Variants in SRRM2 observed in about 807,000 individuals in gnomAD.
SRRM2 encodes serine/arginine repetitive matrix protein 2.
In SRRM2, 30 loss-of-function variants were observed where a neutral mutation model predicts 213.8. The observed-to-expected ratio is 0.14, with a 90% CI of 0.10 to 0.19. SRRM2 has a LOEUF of 0.19. SRRM2 is among the 10% of genes least tolerant of loss of function. The pLI, the probability that SRRM2 is intolerant of heterozygous loss-of-function variation, is 1.00. For missense variants in SRRM2, 4,904 were observed against 3,647.0 expected, an observed-to-expected ratio of 1.34 and a Z score of -8.88; for synonymous variants, 2,025 against 1,377.7, an observed-to-expected ratio of 1.47 and a Z score of -10.40.
Position 2,769,171 on chromosome 16 carries a change from TTCCTCCTCATCTTCCTCC to T in SRRM2, c.7914_7931del (p.Ser2643_Ser2648del). The T allele has an allele frequency of 1.2e-6, 2 of 1,610,444 alleles. No individual in the cohort carries two copies. The highest frequency in any genetic ancestry group is 8.5e-7 in the Non-Finnish European group (1 of 1,177,452). ...CCTCCTCCTCTTCCTCTTCTTCTTCTTCCTCCTCATCTTCCTCCTCCTCGTCGTCTTCCTCCCCTTCCC... is the reference window on the plus strand; with the variant it reads ...CCTCCTCCTCTTCCTCTTCTTCTTCTTCCTCGTCGTCTTCCTCCCCTTCCC... On this transcript the variant is annotated inframe_deletion, in exon 12 of 15. Coordinates refer to ENST00000301740, the MANE Select transcript of SRRM2 (RefSeq NM_016333.4).
In SRRM2 at chr16:2,764,357, A is replaced by G. The variant is rs2068465851; in HGVS notation, c.3829A>G (p.Arg1277Gly). The change falls in exon 11 of 15, where the codon AGG becomes GGG. Residue 1277 changes from arginine to glycine, a missense_variant. Arg to Gly is a moderately radical substitution (Grantham distance 125). Transcript: ENST00000301740. ...NFESSPEVEE[R>G]PAVSLTLDQS... is the part of the protein sequence containing the mutation. The stretch of plus-strand genomic sequence containing the variant: ...TGAATCATCTCCTGAAGTAGAAGAA[A>G]GGCCTGCTGTGTCTTTGACTCTTGA... 1.2e-6 allele frequency: 2 copies of G among 1,614,186 alleles called. No homozygotes were observed. The highest frequency in any genetic ancestry group is 2.2e-5 in the East Asian group (1 of 44,888).
chr16:2,758,496 G>T lies in SRRM2; in HGVS notation c.542G>T (p.Arg181Leu). 1 of 1,613,868 alleles carries T rather than the reference G, an allele frequency of 6.2e-7. No homozygotes were observed. The highest frequency in any genetic ancestry group is 8.5e-7 in the Non-Finnish European group (1 of 1,179,978). ...YSLVRESSSS[R>L]SPTPKQKKKK... ...CTTGTTCGGGAGTCTAGCAGTTCTC[G>T]CTCACCAACCCCAAAGCAGAAGAAG... Residue 181 changes from arginine to leucine, a missense_variant, in exon 5 of 15, where the codon CGC (arginine) becomes CTC (leucine). Arg to Leu is a moderately radical substitution (Grantham distance 102, BLOSUM62 -2). Transcript: ENST00000301740.
At position 2,765,431 on chromosome 16, in the gene SRRM2, C is replaced by G; in HGVS notation, c.4903C>G (p.Arg1635Gly). 1 of 1,614,148 alleles carries G rather than the reference C, an allele frequency of 6.2e-7. No individual in the cohort carries two copies. Among genetic ancestry groups the G allele is most frequent in the Non-Finnish European group, 8.5e-7 (1 of 1,180,032 alleles). ...KAPAPRALPRRSRSGSSSKGR... is the reference protein window; with the variant it reads ...KAPAPRALPRGSRSGSSSKGR... ...TCCAGCCCCTCGGGCCCTTCCCAGA[C>G]GAAGCAGATCAGGTTCATCAAGCAA... Residue 1635 changes from arginine to glycine, a missense_variant, in exon 11 of 15, where the codon CGA (arginine) becomes GGA (glycine). Arg to Gly is a moderately radical substitution (Grantham distance 125, BLOSUM62 -2). Transcript: ENST00000301740.
Position 2,763,413 on chromosome 16 carries a change from G to A in SRRM2, c.2885G>A (p.Arg962Lys). ...SVSPCSNVES[R>K]LLPRYSHSGS... is the part of the protein sequence containing the mutation. ...TCTCCCTGCTCCAATGTGGAATCCAGATTGTTGCCAAGATACAGTCATTCT... is the reference window on the plus strand; with the variant it reads ...TCTCCCTGCTCCAATGTGGAATCCAAATTGTTGCCAAGATACAGTCATTCT... The change falls in exon 11 of 15, where the codon AGA (arginine) becomes AAA (lysine). Residue 962 changes from arginine (R) to lysine (K), a missense_variant. Arg to Lys is a conservative substitution (Grantham distance 26). Coordinates refer to ENST00000301740, the MANE Select transcript of SRRM2 (RefSeq NM_016333.4). 6.2e-7 allele frequency: 1 copy of A among 1,614,206 alleles called. No individual in the cohort carries two copies. Among genetic ancestry groups the A allele is most frequent in the Non-Finnish European group, 8.5e-7 (1 of 1,180,042 alleles).
chr16:2,759,792 G>A, intron 9 of SRRM2, 131 bp downstream of exon 9: 10 of 741,712 alleles, frequency 1.3e-5, no homozygotes, highest in Non-Finnish European at 2.2e-5. Context: ...CCCTCTAGGA[G>A]CTGACAGGCT....
intron 9 of SRRM2, 121 bp downstream of exon 9, chr16:2,759,782 C>T: frequency 1.2e-6 from 1 of 831,904 alleles, no homozygotes; most frequent in Non-Finnish European, 1.9e-6. Context: ...ACGGTCCCTG[C>T]CCTCTAGGAG....
In SRRM2 at chr16:2,764,697, C is replaced by G. The variant is rs1567234973; in HGVS notation, c.4169C>G (p.Ala1390Gly). ...AGCAGTTCTGAGTTATCCCCAGATGCAGTGGAAAAGGCAGGGATGTCTTCA... is the reference window on the plus strand; with the variant it reads ...AGCAGTTCTGAGTTATCCCCAGATGGAGTGGAAAAGGCAGGGATGTCTTCA... ...GHSSSELSPDAVEKAGMSSNQ... is the reference protein window; with the variant it reads ...GHSSSELSPDGVEKAGMSSNQ... Residue 1390 changes from alanine (A) to glycine (G), a missense_variant, in exon 11 of 15, where the codon GCA becomes GGA. Coordinates refer to ENST00000301740, the MANE Select transcript of SRRM2 (RefSeq NM_016333.4). 7 of 1,614,006 alleles carry G rather than the reference C, an allele frequency of 4.3e-6. No homozygotes were observed. The highest frequency in any genetic ancestry group is 5.9e-6 in the Non-Finnish European group (7 of 1,180,054).
chr16:2,753,064 C>T (rs969537716), intron 1 of SRRM2, among the ~76,000 whole-genome samples: 4 of 144,628 alleles, frequency 2.8e-5, no homozygotes, highest in Non-Finnish European at 4.6e-5. Flanking sequence ...CCCATGACAA[C>T]GGCGTTCGCA....
At position 2,764,619 on chromosome 16, in the gene SRRM2, A is replaced by C. The variant is rs750535391; in HGVS notation, c.4091A>C (p.Glu1364Ala). Residue 1364 changes from glutamate (E) to alanine (A), a missense_variant, in exon 11 of 15, where the codon GAA becomes GCA. By Grantham distance (107) the Glu-to-Ala change is moderately radical. Coordinates refer to ENST00000301740, the MANE Select transcript of SRRM2 (RefSeq NM_016333.4). ...DLNGPFLNQL[E>A]TDPSLDMKEQ... Reference sequence around the variant, plus strand: ...AATGGACCGTTTCTTAATCAGCTGGAAACAGATCCATCTCTAGACATGAAA... The same window carrying C: ...AATGGACCGTTTCTTAATCAGCTGGCAACAGATCCATCTCTAGACATGAAA... The C allele has an allele frequency of 6.2e-7, 1 of 1,614,216 alleles. No individual in the cohort carries two copies. Among genetic ancestry groups the C allele is most frequent in the Non-Finnish European group, 8.5e-7 (1 of 1,180,038 alleles).
rs769283245 is a variant in SRRM2 at position 2,765,464 on chromosome 16, G to C, written c.4936G>C (p.Gly1646Arg). The C allele has an allele frequency of 1.2e-5, 20 of 1,614,042 alleles. No individual in the cohort carries two copies. Among genetic ancestry groups the C allele is most frequent in the Admixed American group, 6.7e-5 (4 of 59,992 alleles). Residue 1646 changes from glycine to arginine, a missense_variant, in exon 11 of 15, where the codon GGC becomes CGC. Transcript: ENST00000301740. ...ATCAGGTTCATCAAGCAAAGGCAGA[G>C]GCCCTTCTCCTGAAGGAAGCAGCAG... is the stretch of plus-strand genomic sequence containing the variant. ...SRSGSSSKGRGPSPEGSSSTE... is the reference protein window; with the variant it reads ...SRSGSSSKGRRPSPEGSSSTE...
In SRRM2 at chr16:2,766,961, C is replaced by A; in HGVS notation, c.6433C>A (p.Pro2145Thr). 1 of 1,614,146 alleles carries A rather than the reference C, an allele frequency of 6.2e-7. No individual in the cohort carries two copies. Among genetic ancestry groups the A allele is most frequent in the Non-Finnish European group, 8.5e-7 (1 of 1,180,032 alleles). The change falls in exon 11 of 15, where the codon CCC becomes ACC. Residue 2145 changes from proline to threonine, a missense_variant. By Grantham distance (38) the Pro-to-Thr change is conservative. Coordinates refer to ENST00000301740, the MANE Select transcript of SRRM2 (RefSeq NM_016333.4). The surrounding 1 kb of genome is among the most constrained non-coding windows in gnomAD (Gnocchi z 7.0). Reference protein sequence around the residue: ...MLEPLGSSRTPMSVLQQAGGS... With the variant: ...MLEPLGSSRTTMSVLQQAGGS... ...TGAACCCCTTGGCAGCTCTAGAACACCCATGTCTGTCCTGCAGCAAGCCGG... is the reference window on the plus strand; with the variant it reads ...TGAACCCCTTGGCAGCTCTAGAACAACCATGTCTGTCCTGCAGCAAGCCGG...
At chr16:2,759,220 G>T (rs113301435) in intron 7 of SRRM2, 48 bp downstream of exon 7, 1 of 1,606,790 alleles carries the variant, frequency 6.2e-7, no homozygotes, top group Non-Finnish European at 8.5e-7. Flanking sequence ...GTGGAGTGGT[G>T]ATTTTTTTTT....
chr16:2,761,929 A>T lies in SRRM2; in HGVS notation c.1401A>T (p.Ala467=). The part of the protein sequence containing the change: ...PTSKNRSHGR[A]KRDKSHSHTP... ...CTAAGAATCGCTCACATGGCCGAGC[A>T]AAACGGGATAAATCACATTCTCATA... Residue 467 remains alanine (A), a synonymous_variant, in exon 11 of 15, where the codon GCA becomes GCT. Coordinates refer to ENST00000301740, the MANE Select transcript of SRRM2 (RefSeq NM_016333.4). 6.2e-7 allele frequency: 1 copy of T among 1,613,944 alleles called. No individual in the cohort carries two copies. Among genetic ancestry groups the T allele is most frequent in the Non-Finnish European group, 8.5e-7 (1 of 1,179,996 alleles).
chr16:2,769,380 G>T, intron 12 of SRRM2, 96 bp downstream of exon 12: 2 of 1,390,686 alleles, frequency 1.4e-6, no homozygotes, highest in Non-Finnish European at 1.9e-6. Context: ...GGTGTCTCAC[G>T]TGGCCTTGGG....
rs200772805 is a variant in SRRM2, at chr16:2,766,080, G to T, written c.5552G>T (p.Arg1851Leu). Residue 1851 changes from arginine to leucine, a missense_variant, in exon 11 of 15, where the codon CGT (arginine) becomes CTT (leucine). Physicochemically the swap from Arg to Leu is moderately radical, Grantham distance 102 (BLOSUM62 -2). Transcript: ENST00000301740. The surrounding 1 kb of genome is among the most constrained non-coding windows in gnomAD (Gnocchi z 7.0). ...RSRTPPTSRK[R>L]SRSRTSPAPW... ...CGGACACCCCCAACCAGTCGGAAGC[G>T]TTCTCGCTCACGCACATCACCAGCC... 6.2e-7 allele frequency: 1 copy of T among 1,614,134 alleles called. No homozygotes were observed. The highest frequency in any genetic ancestry group is 1.7e-5 in the Admixed American group (1 of 60,018).
Position 2,764,131 on chromosome 16 carries a change from A to C in SRRM2, c.3603A>C (p.Val1201=), listed in dbSNP as rs762308873. 1 of 1,614,058 alleles carries C rather than the reference A, an allele frequency of 6.2e-7. No homozygotes were observed. Among genetic ancestry groups the C allele is most frequent in the African/African-American group, 1.3e-5 (1 of 74,928 alleles). The part of the protein sequence containing the change: ...PVQDRPESSL[V]FKDTLRTPPR... The stretch of plus-strand genomic sequence containing the variant: ...AGGATAGGCCTGAGTCTTCACTGGT[A>C]TTCAAAGACACACTTAGAACCCCGC... Residue 1201 remains valine (V), a synonymous_variant, in exon 11 of 15, where the codon GTA becomes GTC. Transcript: ENST00000301740.
chr16:2,755,320 A>C (rs569472281), intron 1 of SRRM2, among the ~76,000 whole-genome samples: 24 of 152,270 alleles, frequency 1.6e-4, no homozygotes, highest in African/African-American at 5.5e-4. Flanking sequence ...GGCAGGGCTG[A>C]GAGAGAAAAA....
At chr16:2,760,813 T>C (rs2068318078) in intron 10 of SRRM2, 1 of 258,926 alleles carries the variant, frequency 3.9e-6, no homozygotes, top group African/African-American at 2.2e-5. Flanking sequence ...TTTCTTCTCT[T>C]TTTTCATTAA....
At chr16:2,753,579 C>T (rs965711577) in intron 1 of SRRM2, 1 of 152,176 alleles carries the variant, frequency 6.6e-6, no homozygotes, top group Non-Finnish European at 1.5e-5. Context: ...AATTCGTGTT[C>T]AAACTAAGGA....
Sources: allele counts gnomAD v4.1 joint callset (sites outside exome capture counted in the v4.1 genomes callset), GRCh38; gene constraint gnomAD v4.1.1; non-coding constraint Gnocchi (gnomAD v3.1); transcripts MANE v1.5; gene names NCBI Gene and HGNC (gene_info 2026-07-23, HGNC 2026-07-21).